Variants in GFOD1 observed in about 807,000 individuals in gnomAD.
GFOD1 encodes glucose-fructose oxidoreductase domain-containing protein 1.
GFOD1 carries 9 observed loss-of-function variants against 25.4 expected under a neutral mutation model. The observed-to-expected ratio is 0.35, with a 90% CI of 0.21 to 0.62. The LOEUF (loss-of-function observed/expected upper bound fraction) is 0.62. GFOD1 is among the 20% of genes least tolerant of loss of function. The probability of loss-of-function intolerance (pLI) is 0.72; values close to 1 mark genes in which losing one functional copy is unlikely to be tolerated. For missense variants in GFOD1, 403 were observed against 556.9 expected (o/e 0.72, Z 2.78); for synonymous variants, 253 against 245.6 (o/e 1.03, Z -0.28).
chr6:13,387,820 T>A (rs1228581472), intron 1 of GFOD1, among the ~76,000 whole-genome samples: 1 of 152,192 alleles, frequency 6.6e-6, no homozygotes, highest in Non-Finnish European at 1.5e-5. Flanking sequence ...AAAGAGGAAG[T>A]CAAATTGTCT....
At chr6:13,407,984 C>T in intron 1 of GFOD1, 4 of 985,446 alleles carry the variant, frequency 4.1e-6, no homozygotes, top group Non-Finnish European at 4.8e-6. Context: ...GGGTCAGCAC[C>T]CAAAGGTGGG....
chr6:13,472,479 G>C (rs1035665754), intron 1 of GFOD1, among the ~76,000 whole-genome samples: 5 of 152,116 alleles, frequency 3.3e-5, no homozygotes, highest in African/African-American at 1.2e-4. Context: ...TTTAAACAAA[G>C]CCCTGTTTAG....
intron 1 of GFOD1, among the ~76,000 whole-genome samples, chr6:13,449,655 A>G (rs1758061345): frequency 6.6e-6 from 1 of 152,150 alleles, no homozygotes; most frequent in South Asian, 2.1e-4. Context: ...TTCTCATGGT[A>G]GTGAATAAGC....
rs573008893 is a variant in GFOD1 at position 13,448,207 on chromosome 6, C to A, written c.253+38431G>T. On this transcript the variant is annotated intron_variant, in intron 1 of 1. Coordinates refer to ENST00000379287, the MANE Select transcript of GFOD1 (RefSeq NM_018988.4). ...CCTTCAAAAACCTCATTCTTAGCAA[C>A]TTCTCTAATTGGCCACACCTGACTC... Among the ~76,000 whole-genome samples, 4 of 152,330 alleles carry A rather than the reference C, an allele frequency of 2.6e-5. No individual in the cohort carries two copies. In the East Asian group the frequency reaches 7.7e-4, roughly 29 times the overall value.
At chr6:13,400,182 C>T (rs1454206895) in intron 1 of GFOD1, among the ~76,000 whole-genome samples, 1 of 152,114 alleles carries the variant, frequency 6.6e-6, no homozygotes, top group Non-Finnish European at 1.5e-5. Context: ...CATGCAGGAC[C>T]GGGCAGGGAT....
intron 1 of GFOD1, among the ~76,000 whole-genome samples, chr6:13,427,905 C>G (rs1175239433): frequency 6.6e-6 from 1 of 152,126 alleles, no homozygotes; most frequent in Non-Finnish European, 1.5e-5. Flanking sequence ...ATTGTGGCCA[C>G]CAAGCGTGGG....
intron 1 of GFOD1, among the ~76,000 whole-genome samples, chr6:13,458,791 G>C (rs1035564742): frequency 8.7e-5 from 9 of 103,976 alleles, no homozygotes; most frequent in African/African-American, 2.6e-4. Flanking sequence ...AAAAAAGTGA[G>C]AGGGGGCTGA....
intron 1 of GFOD1, among the ~76,000 whole-genome samples, chr6:13,427,575 C>T (rs114678991): frequency 0.016 from 2,445 of 152,184 alleles, 33 homozygotes; most frequent in Non-Finnish European, 0.023. Flanking sequence ...CGCGTGAGCC[C>T]AGGAGTTCAA....
chr6:13,406,490 A>G (rs186547725), intron 1 of GFOD1, among the ~76,000 whole-genome samples: 23 of 152,300 alleles, frequency 1.5e-4, no homozygotes, highest in Admixed American at 2.6e-4. Context: ...ACAACTCCTT[A>G]ATCCTAAACA....
intron 1 of GFOD1, among the ~76,000 whole-genome samples, chr6:13,457,335 T>G (rs1758206939): frequency 6.6e-6 from 1 of 152,158 alleles, no homozygotes; most frequent in Non-Finnish European, 1.5e-5. Flanking sequence ...AGGCACTCAA[T>G]AAACATTTGG....
intron 1 of GFOD1, among the ~76,000 whole-genome samples, chr6:13,400,508 C>T (rs1273254308): frequency 6.6e-6 from 1 of 152,230 alleles, no homozygotes; most frequent in Non-Finnish European, 1.5e-5. Flanking sequence ...CAGGAAAATG[C>T]TGATACAAGA....
At chr6:13,420,963 A>G (rs1277956535) in intron 1 of GFOD1, among the ~76,000 whole-genome samples, 2 of 152,358 alleles carry the variant, frequency 1.3e-5, no homozygotes, top group East Asian at 3.9e-4. Flanking sequence ...TCTAAGCACT[A>G]TTTATAGTGG....
intron 1 of GFOD1, among the ~76,000 whole-genome samples, chr6:13,387,502 A>G (rs1022392071): frequency 1.3e-5 from 2 of 152,208 alleles, no homozygotes; most frequent in African/African-American, 4.8e-5. Context: ...CATAAACAGA[A>G]CCAACAACAA....
chr6:13,409,280 GAC>G (rs56261334), intron 1 of GFOD1, among the ~76,000 whole-genome samples: 2 of 139,134 alleles, frequency 1.4e-5, no homozygotes, highest in Non-Finnish European at 3.2e-5. Context: ...AAGATAGAGA[GAC>G]AGAGAGGAAG....
Position 13,362,827 on chromosome 6 carries a change from A to G in GFOD1, c.*1916T>C, listed in dbSNP as rs1020050550. 1 of 152,210 alleles carries G rather than the reference A, an allele frequency of 6.6e-6. No homozygotes were observed. Among genetic ancestry groups the G allele is most frequent in the African/African-American group, 2.4e-5 (1 of 41,464 alleles). 9.4% of individuals were successfully genotyped at this position (152,210 alleles called of 1,614,324 possible). A position where few individuals can be genotyped will look rare whatever the true frequency, so the allele number is the denominator to read the frequency against. On this transcript the variant is annotated 3_prime_UTR_variant, in exon 2 of 2. Transcript: ENST00000379287. ...CTGGGCTTCAAAGAATATTGACCCT[A>G]GGGAGGACAATGAAGGATGCAACTG...
chr6:13,456,666 G>A (rs1451077646), intron 1 of GFOD1, among the ~76,000 whole-genome samples: 1 of 152,186 alleles, frequency 6.6e-6, no homozygotes, highest in Non-Finnish European at 1.5e-5. Context: ...TACTGCAGGT[G>A]ATTAAACCTG....
At chr6:13,484,150 G>A (rs1421433171) in intron 1 of GFOD1, among the ~76,000 whole-genome samples, 1 of 151,962 alleles carries the variant, frequency 6.6e-6, no homozygotes, top group Non-Finnish European at 1.5e-5. Context: ...ACACTTTGTA[G>A]GGTCCCTACA....
chr6:13,374,728 CT>C (rs147560408), intron 1 of GFOD1, among the ~76,000 whole-genome samples: 854 of 66,820 alleles, frequency 0.013, 8 homozygotes, highest in Middle Eastern at 0.078. Context: ...CATCTCAAAT[CT>C]TTTTTTTTTT....
chr6:13,378,736 A>C (rs552242185), intron 1 of GFOD1, among the ~76,000 whole-genome samples: 1 of 152,284 alleles, frequency 6.6e-6, no homozygotes, highest in South Asian at 2.1e-4. Context: ...CCATGAACCT[A>C]GGTGCCAGCA....
Sources: allele counts gnomAD v4.1 joint callset (sites outside exome capture counted in the v4.1 genomes callset), GRCh38; gene constraint gnomAD v4.1.1; transcripts MANE v1.5; gene names NCBI Gene and HGNC (gene_info 2026-07-23, HGNC 2026-07-21).